Variants in FTO observed in about 807,000 individuals in gnomAD.
The protein encoded by FTO is alpha-ketoglutarate-dependent dioxygenase FTO.
Under a neutral mutation model 63.9 loss-of-function variants are expected in FTO, and 47 were observed. That is an observed-to-expected ratio of 0.74 (90% confidence interval 0.58 to 0.94). FTO has a LOEUF of 0.94. Ranked by LOEUF, FTO falls within the 40% of genes least tolerant of loss-of-function variation. FTO has a pLI of 0.00. For missense variants in FTO, 562 were observed against 618.1 expected, an observed-to-expected ratio of 0.91 and a Z score of 0.96; for synonymous variants, 207 against 224.4, an observed-to-expected ratio of 0.92 and a Z score of 0.69.
intron 1 of FTO, among the ~76,000 whole-genome samples, chr16:53,756,205 CAAG>C (rs1159387998): frequency 6.6e-6 from 1 of 152,122 alleles, no homozygotes; most frequent in Non-Finnish European, 1.5e-5. Flanking sequence ...GGGAGATTAA[CAAG>C]AAGGCTAGAA....
chr16:53,720,645 TA>T (rs935125893), intron 1 of FTO, among the ~76,000 whole-genome samples: 3 of 147,406 alleles, frequency 2.0e-5, no homozygotes, highest in Admixed American at 1.4e-4. Flanking sequence ...ATATATAAAA[TA>T]TATATATATC....
intron 1 of FTO, among the ~76,000 whole-genome samples, chr16:53,785,678 G>A (rs2077714349): frequency 6.6e-6 from 1 of 152,134 alleles, no homozygotes; most frequent in South Asian, 2.1e-4. Flanking sequence ...TTGGGAGGAT[G>A]AGGCGGGTGG....
chr16:53,967,644 A>G (rs769045464), intron 8 of FTO, among the ~76,000 whole-genome samples: 21 of 152,236 alleles, frequency 1.4e-4, no homozygotes, highest in Non-Finnish European at 2.8e-4. Context: ...TTATGCATGG[A>G]TGACAGCAAT....
intron 7 of FTO, among the ~76,000 whole-genome samples, chr16:53,916,535 C>T (rs193095491): frequency 1.3e-5 from 2 of 152,320 alleles, no homozygotes; most frequent in Admixed American, 1.3e-4. Context: ...TCACGTTTTG[C>T]TCATGTGAAC....
At chr16:53,813,658 C>T (rs2078595164) in intron 2 of FTO, among the ~76,000 whole-genome samples, 1 of 152,154 alleles carries the variant, frequency 6.6e-6, no homozygotes. Context: ...TAAACAGGCC[C>T]TCACCACAGG....
At chr16:53,981,172 A>G (rs1409548990) in intron 8 of FTO, 1 of 152,188 alleles carries the variant, frequency 6.6e-6, no homozygotes, top group African/African-American at 2.4e-5. Flanking sequence ...AACAAGTTTA[A>G]AAATTAGCTG....
At chr16:53,807,993 G>C (rs992025825) in intron 1 of FTO, among the ~76,000 whole-genome samples, 1 of 152,056 alleles carries the variant, frequency 6.6e-6, no homozygotes, top group African/African-American at 2.4e-5. Flanking sequence ...TGTTACATTA[G>C]TATTATAACT....
At chr16:53,717,279 T>G (rs772364082) in intron 1 of FTO, among the ~76,000 whole-genome samples, 13 of 152,108 alleles carry the variant, frequency 8.5e-5, no homozygotes, top group Non-Finnish European at 1.9e-4. Context: ...TATTGGTACA[T>G]CCACTCTAAC....
chr16:53,820,023 T>G (rs1341233333), intron 2 of FTO, among the ~76,000 whole-genome samples: 1 of 151,642 alleles, frequency 6.6e-6, no homozygotes, highest in Non-Finnish European at 1.5e-5. Flanking sequence ...TTTTTTTTTT[T>G]TTTGAGATGG....
At chr16:53,975,154 G>A (rs1413284097) in intron 8 of FTO, among the ~76,000 whole-genome samples, 3 of 151,442 alleles carry the variant, frequency 2.0e-5, no homozygotes, top group South Asian at 2.1e-4. Flanking sequence ...CTAAAGCCAC[G>A]CTAACATTTT....
chr16:54,041,783 T>C (rs1183761582), intron 8 of FTO, among the ~76,000 whole-genome samples: 1 of 152,136 alleles, frequency 6.6e-6, no homozygotes, highest in Non-Finnish European at 1.5e-5. Context: ...CATTGCATAG[T>C]AAAGAATTGT....
chr16:53,757,687 C>T (rs1381618464), intron 1 of FTO, among the ~76,000 whole-genome samples: 2 of 152,068 alleles, frequency 1.3e-5, no homozygotes, highest in Non-Finnish European at 1.5e-5. Context: ...ACCTCTAAAG[C>T]GTTATGATTT....
chr16:53,782,815 T>C (rs1417788663), intron 1 of FTO, among the ~76,000 whole-genome samples: 2 of 152,224 alleles, frequency 1.3e-5, no homozygotes, highest in Non-Finnish European at 2.9e-5. Context: ...CTGTCTGAAA[T>C]GGGCTTATTT....
At chr16:53,744,081 G>T (rs1233670118) in intron 1 of FTO, among the ~76,000 whole-genome samples, 2 of 152,134 alleles carry the variant, frequency 1.3e-5, no homozygotes, top group Non-Finnish European at 2.9e-5. Context: ...GCTCCCTTCA[G>T]GAAGGCTACA....
chr16:54,068,500 A>G (rs1189926716), intron 8 of FTO, among the ~76,000 whole-genome samples: 1 of 152,118 alleles, frequency 6.6e-6, no homozygotes, highest in Non-Finnish European at 1.5e-5. Context: ...ACCTGGCCCT[A>G]TTGTTCACAT....
intron 7 of FTO, among the ~76,000 whole-genome samples, chr16:53,931,135 G>T (rs2082271006): frequency 1.3e-5 from 2 of 152,040 alleles, no homozygotes; most frequent in African/African-American, 4.8e-5. Context: ...CAAGGAAGAG[G>T]TAAATGACTT....
At chr16:53,984,166 T>G (rs918754070) in intron 8 of FTO, among the ~76,000 whole-genome samples, 4 of 152,110 alleles carry the variant, frequency 2.6e-5, no homozygotes, top group Non-Finnish European at 5.9e-5. Flanking sequence ...CATTTCTTTT[T>G]AGTGACACAG....
chr16:53,738,594 TC>T (rs1484529102), intron 1 of FTO, among the ~76,000 whole-genome samples: 1 of 152,188 alleles, frequency 6.6e-6, no homozygotes, highest in Non-Finnish European at 1.5e-5. Flanking sequence ...TTTTCATTTC[TC>T]TTGAGCATAT....
At chr16:53,764,513 T>C (rs535693102) in intron 1 of FTO, among the ~76,000 whole-genome samples, 2 of 150,890 alleles carry the variant, frequency 1.3e-5, no homozygotes, top group African/African-American at 4.9e-5. Flanking sequence ...CTGAATTAAC[T>C]GACTTGTAGA....
Sources: allele counts gnomAD v4.1 joint callset (sites outside exome capture counted in the v4.1 genomes callset), GRCh38; gene constraint gnomAD v4.1.1; transcripts MANE v1.5; gene names NCBI Gene and HGNC (gene_info 2026-07-23, HGNC 2026-07-21).